Variants in RBFOX1 observed in about 807,000 individuals in gnomAD.
RBFOX1 encodes RNA binding fox-1 homolog 1, also known as RNA binding protein fox-1 homolog 1.
Under a neutral mutation model 57.7 loss-of-function variants are expected in RBFOX1, and 8 were observed. That is an observed-to-expected ratio of 0.14 (90% CI 0.08 to 0.25). The LOEUF is 0.25. Among genes scored for constraint, RBFOX1 ranks in the 10% least tolerant of loss-of-function variants. The probability of loss-of-function intolerance (pLI) is 1.00; values close to 1 mark genes in which losing one functional copy is unlikely to be tolerated. For missense variants in RBFOX1, 611 were observed against 548.5 expected, an observed-to-expected ratio of 1.11 and a Z score of -1.14; for synonymous variants, 326 against 222.4, an observed-to-expected ratio of 1.47 and a Z score of -4.15.
chr16:7,037,058 C>G (rs1278032983), intron 3 of RBFOX1, among the ~76,000 whole-genome samples: 1 of 152,032 alleles, frequency 6.6e-6, no homozygotes, highest in Non-Finnish European at 1.5e-5. Context: ...CCAGAGGTCA[C>G]CTTCGTCACC....
chr16:5,849,954 C>G (rs921722021), intron 3 of RBFOX1, among the ~76,000 whole-genome samples: 33 of 152,184 alleles, frequency 2.2e-4, no homozygotes, highest in Non-Finnish European at 4.3e-4. Context: ...GATTTGTTTT[C>G]CTTTGCGGAT....
intron 2 of RBFOX1, among the ~76,000 whole-genome samples, chr16:6,584,632 G>T (rs2097581573): frequency 6.6e-6 from 1 of 151,920 alleles, no homozygotes; most frequent in Non-Finnish European, 1.5e-5. Flanking sequence ...GCCTCCCAAA[G>T]TGCTGGGATT....
chr16:7,218,669 T>TGTGTGC, intron 4 of RBFOX1, among the ~76,000 whole-genome samples: 1 of 151,086 alleles, frequency 6.6e-6, no homozygotes, highest in African/African-American at 2.4e-5. Context: ...TGTGTGTGTG[T>TGTGTGC]GTGTGTGTGT....
At chr16:7,174,077 T>G (rs1601845512) in intron 4 of RBFOX1, among the ~76,000 whole-genome samples, 1 of 152,208 alleles carries the variant, frequency 6.6e-6, no homozygotes, top group Non-Finnish European at 1.5e-5. Flanking sequence ...GAATGGTGAT[T>G]TAAGCTCTAG....
intron 10 of RBFOX1, among the ~76,000 whole-genome samples, chr16:7,616,636 T>C (rs549852109): frequency 7.9e-5 from 12 of 152,284 alleles, no homozygotes; most frequent in Non-Finnish European, 1.6e-4. Flanking sequence ...TTATCTTGTT[T>C]CACTGCAACC....
chr16:5,675,222 A>G (rs2050129498), intron 3 of RBFOX1, among the ~76,000 whole-genome samples: 2 of 152,206 alleles, frequency 1.3e-5, no homozygotes, highest in South Asian at 4.1e-4. Context: ...ACTCACGCAC[A>G]CACACACACA....
At chr16:5,502,364 G>T (rs1362308019) in intron 2 of RBFOX1, among the ~76,000 whole-genome samples, 3 of 152,132 alleles carry the variant, frequency 2.0e-5, no homozygotes, top group African/African-American at 7.2e-5. Flanking sequence ...GTGGGATGTG[G>T]ACACTGTAGG....
At chr16:7,156,004 T>TAC (rs1485949646) in intron 4 of RBFOX1, among the ~76,000 whole-genome samples, 1 of 151,598 alleles carries the variant, frequency 6.6e-6, no homozygotes, top group African/African-American at 2.4e-5. Context: ...TATATATATC[T>TAC]ACACACACAC....
intron 3 of RBFOX1, among the ~76,000 whole-genome samples, chr16:6,934,304 T>C (rs2077023323): frequency 6.6e-6 from 1 of 152,234 alleles, no homozygotes; most frequent in African/African-American, 2.4e-5. Context: ...TTCTTTTTCA[T>C]GATGTTTTCC....
intron 1 of RBFOX1, among the ~76,000 whole-genome samples, chr16:5,311,662 T>G (rs1222948019): frequency 6.6e-6 from 1 of 152,234 alleles, no homozygotes; most frequent in Non-Finnish European, 1.5e-5. Context: ...TGTTGAGAAT[T>G]TTTTCCTATG....
intron 1 of RBFOX1, among the ~76,000 whole-genome samples, chr16:6,053,226 A>T (rs758406973): frequency 3.9e-5 from 6 of 152,312 alleles, no homozygotes; most frequent in Non-Finnish European, 7.3e-5. Context: ...CCTGCCCCCA[A>T]TCTTGCATCT....
At chr16:5,927,432 C>G (rs534610501) in intron 4 of RBFOX1, among the ~76,000 whole-genome samples, 1 of 152,130 alleles carries the variant, frequency 6.6e-6, no homozygotes, top group African/African-American at 2.4e-5. Context: ...TAGGTATTAT[C>G]AAAAAGTCAA....
rs150394200 is a variant in RBFOX1 at position 6,525,935 on chromosome 16, A to C, written c.-63-128668A>C. On this transcript the variant is annotated intron_variant, in intron 2 of 15. Coordinates refer to ENST00000550418, the MANE Select transcript of RBFOX1 (RefSeq NM_018723.4). ...CCTGTGTCTGCTACAAGCAGAGAAA[A>C]AAAGCAAGGGAACTAATGGTGGCTG... Among the ~76,000 whole-genome samples, 187 of 152,252 alleles carry C rather than the reference A, an allele frequency of 1.2e-3. 7 individuals are homozygous for C. The East Asian group carries it at 0.034, about 28-fold the overall frequency.
intron 3 of RBFOX1, among the ~76,000 whole-genome samples, chr16:6,900,469 C>A (rs190964902): frequency 6.6e-6 from 1 of 152,292 alleles, no homozygotes; most frequent in African/African-American, 2.4e-5. Flanking sequence ...TTTCCCGTTG[C>A]TCTTAGGATG....
chr16:5,442,777 C>G (rs2068122944), intron 1 of RBFOX1, among the ~76,000 whole-genome samples: 1 of 152,148 alleles, frequency 6.6e-6, no homozygotes, highest in South Asian at 2.1e-4. Context: ...TGTCATTATT[C>G]CCTGTTGTGG....
intron 4 of RBFOX1, among the ~76,000 whole-genome samples, chr16:5,964,485 A>G (rs1182890511): frequency 6.6e-6 from 1 of 152,178 alleles, no homozygotes; most frequent in Non-Finnish European, 1.5e-5. Context: ...ATATGAAATG[A>G]CCTAAGAGTC....
intron 4 of RBFOX1, among the ~76,000 whole-genome samples, chr16:7,205,384 G>A (rs1436527697): frequency 6.6e-6 from 1 of 151,892 alleles, no homozygotes; most frequent in Non-Finnish European, 1.5e-5. Context: ...TGGGTGTGGT[G>A]GTGCTCTCCT....
chr16:7,482,847 T>C (rs2064349099), intron 4 of RBFOX1, among the ~76,000 whole-genome samples: 1 of 152,114 alleles, frequency 6.6e-6, no homozygotes, highest in African/African-American at 2.4e-5. Context: ...CTGAACACCA[T>C]GTACAGGAGA....
chr16:5,888,509 G>C (rs769176598), intron 4 of RBFOX1, among the ~76,000 whole-genome samples: 1 of 152,092 alleles, frequency 6.6e-6, no homozygotes, highest in Non-Finnish European at 1.5e-5. Context: ...AAAAATAGTT[G>C]TTGAGGCCGG....
Sources: gnomAD v4.1 joint callset for allele counts (sites outside exome capture counted in the v4.1 genomes callset) on GRCh38, gnomAD v4.1.1 for gene constraint, MANE v1.5 for transcripts, NCBI Gene and HGNC (gene_info 2026-07-23, HGNC 2026-07-21) for gene names.